Variants in PCLAF observed in about 807,000 individuals in gnomAD.
PCLAF encodes the protein PCNA clamp associated factor.
A neutral mutation model predicts 15.1 loss-of-function variants in PCLAF; 12 were observed. The observed-to-expected ratio is 0.79, with a 90% CI of 0.51 to 1.29. PCLAF has a LOEUF of 1.29. Among genes scored for constraint, PCLAF ranks in the 50% most tolerant of loss-of-function variants. The probability of loss-of-function intolerance (pLI) is 0.00; values close to 1 mark genes in which losing one functional copy is unlikely to be tolerated. For synonymous variants in PCLAF, 33 were observed against 47.1 expected, an observed-to-expected ratio of 0.70 and a Z score of 1.22; for missense variants, 116 against 130.9, an observed-to-expected ratio of 0.89 and a Z score of 0.56.
At chr15:64,381,144 C>A in intron 1 of PCLAF, 106 bp from the exon 2 acceptor site, 1 of 1,252,836 alleles carries the variant, frequency 8.0e-7, no homozygotes, top group Non-Finnish European at 1.2e-6. Flanking sequence ...TCCAGAACAG[C>A]AGGATAACCT....
chr15:64,383,145 A>C (rs1899867076), upstream of PCLAF, among the ~76,000 whole-genome samples: 1 of 152,232 alleles, frequency 6.6e-6, no homozygotes, highest in African/African-American at 2.4e-5. Flanking sequence ...CAGTACTTTA[A>C]CAGAATCAAC....
chr15:64,384,269 G>C (rs1262367639), upstream of PCLAF, among the ~76,000 whole-genome samples: 1 of 152,064 alleles, frequency 6.6e-6, no homozygotes, highest in East Asian at 1.9e-4. Flanking sequence ...ATGTAGCTGG[G>C]ATTACAGGTA....
upstream of PCLAF, chr15:64,381,632 G>C: frequency 3.1e-6 from 3 of 969,688 alleles, no homozygotes; most frequent in Non-Finnish European, 4.4e-6. Context: ...AGGATTCGTA[G>C]GCGCCCCAGG....
intron 2 of PCLAF, 94 bp from the exon 3 acceptor site, chr15:64,376,999 A>C: frequency 1.2e-5 from 11 of 930,950 alleles, no homozygotes; most frequent in South Asian, 1.9e-5. Flanking sequence ...TCAAATTCTC[A>C]AAGGTATTAA....
upstream of PCLAF, among the ~76,000 whole-genome samples, chr15:64,385,110 G>A (rs933060377): frequency 1.3e-5 from 2 of 151,922 alleles, no homozygotes; most frequent in Non-Finnish European, 2.9e-5. Flanking sequence ...GACTGGTCTC[G>A]AATTTCCGAG....
Position 64,366,770 on chromosome 15 carries a change from C to T in PCLAF, c.291-695G>A, listed in dbSNP as rs1329011268. 3.3e-5 allele frequency among the ~76,000 whole-genome samples: 5 copies of T among 151,990 alleles called. No homozygotes were observed. In the East Asian group the frequency reaches 5.8e-4, roughly 18 times the overall value. ...GGTGGAACATTTGAGGTCAGGAATTCGAGACCAGCCTAGCCAACATGGTGA... is the reference window on the plus strand; with the variant it reads ...GGTGGAACATTTGAGGTCAGGAATTTGAGACCAGCCTAGCCAACATGGTGA... On this transcript the variant is annotated intron_variant, in intron 3 of 3. Coordinates refer to ENST00000300035, the MANE Select transcript of PCLAF (RefSeq NM_014736.6).
chr15:64,385,465 C>T (rs1340707553), upstream of PCLAF, among the ~76,000 whole-genome samples: 1 of 151,594 alleles, frequency 6.6e-6, no homozygotes, highest in Non-Finnish European at 1.5e-5. Context: ...ATCTCTACTA[C>T]AAATACAAAA....
At chr15:64,372,008 C>T (rs372494945) in intron 3 of PCLAF, among the ~76,000 whole-genome samples, 2,302 of 21,450 alleles carry the variant, frequency 0.11, 54 homozygotes, top group African/African-American at 0.19. Context: ...TAATCAAATA[C>T]GCCTTCAAAG....
intron 3 of PCLAF, among the ~76,000 whole-genome samples, chr15:64,366,828 C>T (rs888268647): frequency 2.6e-5 from 4 of 151,958 alleles, no homozygotes; most frequent in African/African-American, 4.8e-5. Flanking sequence ...CAAAAATAGC[C>T]GGGCAGTGGG....
intron 2 of PCLAF, 57 bp downstream of exon 2, chr15:64,380,901 G>T: frequency 6.8e-7 from 1 of 1,460,042 alleles, no homozygotes; most frequent in Non-Finnish European, 9.5e-7. Context: ...TTCATGGCAA[G>T]CCAGGGGCTT....
At chr15:64,377,486 AAAATATATATATATAT>A (rs1899644259) in intron 2 of PCLAF, among the ~76,000 whole-genome samples, 2 of 40,810 alleles carry the variant, frequency 4.9e-5, no homozygotes, top group South Asian at 9.9e-4. Flanking sequence ...AAAAAAAAAA[AAAATATATATATATAT>A]ATATATATAT....
chr15:64,382,753 T>C, upstream of PCLAF: 1 of 192,828 alleles, frequency 5.2e-6, no homozygotes, highest in South Asian at 6.4e-5. Flanking sequence ...GGCAGGCAGA[T>C]TGCCTGAGCT....
At chr15:64,382,588 T>C (rs1206605764), upstream of PCLAF, 1 of 153,324 alleles carries the variant, frequency 6.5e-6, no homozygotes, top group Non-Finnish European at 1.5e-5. Flanking sequence ...AACTCTAGGA[T>C]AAAGGGTCAT....
At chr15:64,375,767 A>G (rs779732583) in intron 3 of PCLAF, among the ~76,000 whole-genome samples, 1 of 152,226 alleles carries the variant, frequency 6.6e-6, no homozygotes, top group African/African-American at 2.4e-5. Flanking sequence ...AAGTTATATA[A>G]GCCAACAAGG....
At chr15:64,377,015 C>T in intron 2 of PCLAF, 110 bp from the exon 3 acceptor site, 4 of 815,604 alleles carry the variant, frequency 4.9e-6, no homozygotes, top group Non-Finnish European at 7.5e-6. Flanking sequence ...ATTAAATAAT[C>T]TTTATTTAAG....
chr15:64,373,548 T>C (rs1162304122), intron 3 of PCLAF: 5 of 1,331,258 alleles, frequency 3.8e-6, no homozygotes, highest in Admixed American at 3.3e-5. Flanking sequence ...AGACCGGCTG[T>C]AGGCTGTAGG....
intron 3 of PCLAF, among the ~76,000 whole-genome samples, chr15:64,370,664 C>T (rs1222595987): frequency 4.6e-5 from 7 of 151,920 alleles, no homozygotes; most frequent in African/African-American, 1.7e-4. Flanking sequence ...CCACCGCACC[C>T]AGGCTGGAGT....
intron 1 of PCLAF, 64 bp from the exon 2 acceptor site, chr15:64,381,102 A>G (rs1596328211): frequency 2.0e-6 from 3 of 1,500,502 alleles, no homozygotes; most frequent in Admixed American, 1.7e-5. Context: ...CGAGTCCTGG[A>G]CCCCAGCAGC....
Position 64,381,322 on chromosome 15 carries a change from T to C in PCLAF, c.46+4A>G. ...CCCTCCAGTACCACACTCGATCGCC[T>C]CACCTTTTCTGTAAGTGCCTGGAAC... On this transcript the variant is annotated splice_donor_region_variant and intron_variant, in intron 1 of 3. Coordinates refer to ENST00000300035, the MANE Select transcript of PCLAF (RefSeq NM_014736.6). 1 of 1,614,058 alleles carries C rather than the reference T, an allele frequency of 6.2e-7. No homozygotes were observed. The highest frequency in any genetic ancestry group is 1.1e-5 in the South Asian group (1 of 91,082).
Sources: allele counts gnomAD v4.1 joint callset (sites outside exome capture counted in the v4.1 genomes callset), GRCh38; gene constraint gnomAD v4.1.1; transcripts MANE v1.5; gene names NCBI Gene and HGNC (gene_info 2026-07-23, HGNC 2026-07-21).